Variants in ANK1 observed in about 807,000 individuals in gnomAD.
The protein encoded by ANK1 is ankyrin 1, also known as ankyrin-1.
A neutral mutation model predicts 210.4 loss-of-function variants in ANK1; 51 were observed. The observed-to-expected ratio is 0.24, with a 90% CI of 0.19 to 0.31. The LOEUF is 0.31. Ranked by LOEUF, ANK1 falls within the 10% of genes least tolerant of loss-of-function variation. The probability of loss-of-function intolerance (pLI) is 1.00; values close to 1 mark genes in which losing one functional copy is unlikely to be tolerated. For missense variants in ANK1, 2,051 were observed against 2,504.4 expected, an observed-to-expected ratio of 0.82 and a Z score of 3.86; for synonymous variants, 967 against 1,025.9, an observed-to-expected ratio of 0.94 and a Z score of 1.10.
intron 1 of ANK1, among the ~76,000 whole-genome samples, chr8:41,853,485 C>T (rs532144883): frequency 4.5e-4 from 69 of 152,290 alleles, no homozygotes; most frequent in African/African-American, 1.5e-3. Flanking sequence ...TTTCTTCCTA[C>T]GGGTAATTTT....
chr8:41,810,271 A>C (rs1413603223), intron 1 of ANK1, among the ~76,000 whole-genome samples: 1 of 152,204 alleles, frequency 6.6e-6, no homozygotes, highest in Non-Finnish European at 1.5e-5. Flanking sequence ...TGGGGGAGGA[A>C]AGTCCGTCAG....
At chr8:41,826,193 C>T (rs1805336657) in intron 1 of ANK1, among the ~76,000 whole-genome samples, 1 of 152,146 alleles carries the variant, frequency 6.6e-6, no homozygotes, top group Admixed American at 6.5e-5. Context: ...ATTTCTAATC[C>T]TCCCTTTGCT....
chr8:41,774,080 T>G (rs1843516136), intron 1 of ANK1, among the ~76,000 whole-genome samples: 1 of 152,160 alleles, frequency 6.6e-6, no homozygotes, highest in South Asian at 2.1e-4. Context: ...ATTAAGCAAA[T>G]GCTTCTGCTG....
At chr8:41,804,744 C>T (rs914512201) in intron 1 of ANK1, among the ~76,000 whole-genome samples, 4 of 152,126 alleles carry the variant, frequency 2.6e-5, no homozygotes, top group Non-Finnish European at 4.4e-5. Flanking sequence ...GATTCTCATT[C>T]GCTTAAACTT....
chr8:41,680,683 C>A (rs1387073007), intron 37 of ANK1, among the ~76,000 whole-genome samples: 1 of 152,144 alleles, frequency 6.6e-6, no homozygotes, highest in East Asian at 1.9e-4. Flanking sequence ...GGGTACATGC[C>A]CAGCTGCTCC....
chr8:41,693,079 A>C (rs1819736324), intron 30 of ANK1, 26 bp downstream of exon 30: 1 of 1,575,746 alleles, frequency 6.3e-7, no homozygotes, highest in African/African-American at 1.4e-5. Flanking sequence ...CCCACACAAT[A>C]CTGGGCTGGG....
chr8:41,827,339 G>A (rs1318122070), intron 1 of ANK1, among the ~76,000 whole-genome samples: 1 of 152,188 alleles, frequency 6.6e-6, no homozygotes, highest in African/African-American at 2.4e-5. Context: ...TGAGATGTAT[G>A]CCTCCGCCAG....
chr8:41,785,222 G>T (rs1221306738), intron 1 of ANK1, among the ~76,000 whole-genome samples: 1 of 152,102 alleles, frequency 6.6e-6, no homozygotes, highest in South Asian at 2.1e-4. Context: ...TTAGCCAGGG[G>T]TGTGGTGCAT....
chr8:41,809,584 T>G (rs1315864952), intron 1 of ANK1, among the ~76,000 whole-genome samples: 2 of 152,080 alleles, frequency 1.3e-5, no homozygotes, highest in East Asian at 3.9e-4. Context: ...CTGGGCAACA[T>G]AGCAAGACCC....
intron 1 of ANK1, among the ~76,000 whole-genome samples, chr8:41,779,732 C>G (rs1279257055): frequency 6.6e-6 from 1 of 152,194 alleles, no homozygotes; most frequent in Non-Finnish European, 1.5e-5. Context: ...TCTACTTATC[C>G]TTATTTTACA....
In ANK1 at chr8:41,716,989, T is replaced by C. The variant is rs1563541951; in HGVS notation, c.1368A>G (p.Leu456=). ...CATTGACTTTGGCTTTGTTCTGGAG[T>C]AAATATTTGGCCACTTCCGTGTGCC... is the stretch of plus-strand genomic sequence containing the variant. ...RAGHTEVAKY[L]LQNKAKVNAK... The change falls in exon 13 of 43, where the codon TTA becomes TTG. Residue 456 remains leucine, a synonymous_variant. Transcript: ENST00000289734. The C allele has an allele frequency of 1.9e-6, 3 of 1,614,052 alleles. No individual in the cohort carries two copies. Among genetic ancestry groups the C allele is most frequent in the Non-Finnish European group, 2.5e-6 (3 of 1,180,042 alleles).
intron 1 of ANK1, among the ~76,000 whole-genome samples, chr8:41,871,072 C>A (rs1012453961): frequency 6.6e-6 from 1 of 152,210 alleles, no homozygotes; most frequent in Non-Finnish European, 1.5e-5. Context: ...CTGCCCCTCA[C>A]GGGCCACACC....
intron 1 of ANK1, among the ~76,000 whole-genome samples, chr8:41,761,341 A>C (rs1229073690): frequency 6.6e-6 from 1 of 151,188 alleles, no homozygotes; most frequent in Non-Finnish European, 1.5e-5. Context: ...ACACCTGCAC[A>C]CATACACATG....
At chr8:41,889,347 C>T (rs748670254) in intron 1 of ANK1, among the ~76,000 whole-genome samples, 2 of 152,122 alleles carry the variant, frequency 1.3e-5, no homozygotes, top group South Asian at 4.1e-4. Context: ...ATGTCATGCA[C>T]GAGGAACACT....
chr8:41,778,225 T>G (rs1844527546), intron 1 of ANK1, among the ~76,000 whole-genome samples: 1 of 152,204 alleles, frequency 6.6e-6, no homozygotes, highest in Non-Finnish European at 1.5e-5. Flanking sequence ...AGGTGAAAGA[T>G]AGAGCTGTAT....
chr8:41,737,937 G>A (rs2150679577), intron 2 of ANK1, among the ~76,000 whole-genome samples: 1 of 152,330 alleles, frequency 6.6e-6, no homozygotes, highest in South Asian at 2.1e-4. Context: ...GTCTGTGTCT[G>A]GCCCTGTGCT....
Position 41,704,064 on chromosome 8 carries a change from C to A in ANK1, c.2272G>T (p.Ala758Ser). 6 of 1,614,094 alleles carry A rather than the reference C, an allele frequency of 3.7e-6. No homozygotes were observed. Among genetic ancestry groups the A allele is most frequent in the Non-Finnish European group, 5.1e-6 (6 of 1,180,016 alleles). ...ACCGAGCTGACCTCGTTTGGGGAAG[C>A]ACCGTTTTTCAGAAGCAGAGTCACG... ...DIVTLLLKNG[A>S]SPNEVSSDGT... Residue 758 changes from alanine (A) to serine (S), a missense_variant, in exon 20 of 43, where the codon GCT becomes TCT. Physicochemically the swap from Ala to Ser is moderately conservative, Grantham distance 99 (BLOSUM62 1). Transcript: ENST00000289734. This position sits in a 1 kb window ranked among gnomAD's most constrained non-coding sequence, Gnocchi z 4.1.
chr8:41,706,835 A>G (rs772288563), intron 17 of ANK1, among the ~76,000 whole-genome samples: 4 of 152,262 alleles, frequency 2.6e-5, no homozygotes, highest in Non-Finnish European at 5.9e-5. Flanking sequence ...GCGGCGGCTC[A>G]TGCCTGTCAT....
At chr8:41,801,975 TTTTTGTTTTG>T (rs781299206), upstream of ANK1, among the ~76,000 whole-genome samples, 1 of 152,054 alleles carries the variant, frequency 6.6e-6, no homozygotes, top group Non-Finnish European at 1.5e-5. Flanking sequence ...TTTTATAGGG[TTTTTGTTTTG>T]TTTTGTTTTG....
Sources: gnomAD v4.1 joint callset for allele counts (sites outside exome capture counted in the v4.1 genomes callset) on GRCh38, gnomAD v4.1.1 for gene constraint, Gnocchi (gnomAD v3.1) non-coding constraint, MANE v1.5 for transcripts, NCBI Gene and HGNC (gene_info 2026-07-23, HGNC 2026-07-21) for gene names.